Variants in ZFPM1 observed in about 807,000 individuals in gnomAD.
The protein encoded by ZFPM1 is zinc finger protein, FOG family member 1, also known as zinc finger protein ZFPM1.
ZFPM1 carries 28 observed loss-of-function variants against 46.3 expected under a neutral mutation model. The observed-to-expected ratio is 0.60, with a 90% CI of 0.45 to 0.83. The LOEUF (loss-of-function observed/expected upper bound fraction) is 0.83. Ranked by LOEUF, ZFPM1 falls within the 40% of genes least tolerant of loss-of-function variation. The pLI, the probability that ZFPM1 is intolerant of heterozygous loss-of-function variation, is 0.00. For missense variants in ZFPM1, 1,878 were observed against 1,432.4 expected (o/e 1.31, Z -5.02); for synonymous variants, 957 against 675.9 (o/e 1.42, Z -6.45).
intron 4 of ZFPM1, among the ~76,000 whole-genome samples, chr16:88,519,829 C>A (rs1300464970): frequency 2.7e-5 from 4 of 146,684 alleles, no homozygotes; most frequent in African/African-American, 1.0e-4. Flanking sequence ...AATGGATGGA[C>A]AGATAGATGG....
chr16:88,489,373 A>G (rs972921291), intron 3 of ZFPM1: 2 of 647,896 alleles, frequency 3.1e-6, no homozygotes, highest in South Asian at 4.9e-5. Context: ...CGTGGTGTAC[A>G]AGGAAGCGCT....
chr16:88,529,929 C>T (rs562042123), intron 6 of ZFPM1, among the ~76,000 whole-genome samples: 19 of 152,192 alleles, frequency 1.2e-4, no homozygotes, highest in Admixed American at 9.2e-4. Context: ...ACGGGCCGAG[C>T]GGCCAGGTCC....
Position 88,469,395 on chromosome 16 carries a change from C to T in ZFPM1, c.40+15717C>T, listed in dbSNP as rs919652771. Among the ~76,000 whole-genome samples the T allele has an allele frequency of 5.3e-5, 8 of 152,344 alleles. No individual in the cohort carries two copies. The highest frequency in any genetic ancestry group is 1.0e-4 in the Non-Finnish European group (7 of 68,030). On this transcript the variant is annotated intron_variant, in intron 1 of 9. Coordinates refer to ENST00000319555, the MANE Select transcript of ZFPM1 (RefSeq NM_153813.3). This position sits in a 1 kb window ranked among gnomAD's most constrained non-coding sequence, Gnocchi z 4.3. ...CTGGGCTCTTCAGCAAGCCCCTTGCCGGCCTGGGCCTCAGTTTCCCCTTCC... is the reference window on the plus strand; with the variant it reads ...CTGGGCTCTTCAGCAAGCCCCTTGCTGGCCTGGGCCTCAGTTTCCCCTTCC...
intron 1 of ZFPM1, among the ~76,000 whole-genome samples, chr16:88,474,604 G>T (rs189367937): frequency 6.6e-6 from 1 of 151,946 alleles, no homozygotes; most frequent in Non-Finnish European, 1.5e-5. Flanking sequence ...TGTCTTCAGC[G>T]CTCTCTGCCC....
chr16:88,493,705 G>A (rs1909763681), intron 3 of ZFPM1, among the ~76,000 whole-genome samples: 1 of 151,968 alleles, frequency 6.6e-6, no homozygotes, highest in Non-Finnish European at 1.5e-5. Flanking sequence ...GCATGCACAT[G>A]GCCATTGTCT....
intron 4 of ZFPM1, among the ~76,000 whole-genome samples, chr16:88,525,539 G>A (rs553400545): frequency 5.3e-5 from 8 of 152,374 alleles, no homozygotes; most frequent in African/African-American, 1.7e-4. Flanking sequence ...GGAAGTGCTG[G>A]AGCACGCGTG....
intron 3 of ZFPM1, among the ~76,000 whole-genome samples, chr16:88,492,771 GTCCCAGACTCCC>G (rs1909651745): frequency 6.6e-6 from 1 of 152,140 alleles, no homozygotes; most frequent in Non-Finnish European, 1.5e-5. Context: ...GTCCCTGGTG[GTCCCAGACTCCC>G]TGGAGGCACT....
intron 3 of ZFPM1, among the ~76,000 whole-genome samples, chr16:88,502,116 C>CT (rs1910395006): frequency 7.2e-6 from 1 of 138,848 alleles, no homozygotes; most frequent in African/African-American, 2.7e-5. Context: ...ATTTATCTCT[C>CT]CTCCTTCTCT....
At chr16:88,472,192 G>A (rs1278081437) in intron 1 of ZFPM1, among the ~76,000 whole-genome samples, 1 of 152,052 alleles carries the variant, frequency 6.6e-6, no homozygotes, top group South Asian at 2.1e-4. Context: ...AGTGGCTGGA[G>A]GCACGGTGGT....
At chr16:88,523,855 C>A (rs1415524741) in intron 4 of ZFPM1, among the ~76,000 whole-genome samples, 2 of 152,238 alleles carry the variant, frequency 1.3e-5, no homozygotes, top group African/African-American at 4.8e-5. Flanking sequence ...CCCCTCCCCA[C>A]CCGCACAGCC....
chr16:88,525,275 G>T (rs1053165556), intron 4 of ZFPM1, among the ~76,000 whole-genome samples: 1 of 152,228 alleles, frequency 6.6e-6, no homozygotes, highest in African/African-American at 2.4e-5. Flanking sequence ...CAAAGTCCAG[G>T]AAAGCTCATG....
intron 3 of ZFPM1, among the ~76,000 whole-genome samples, chr16:88,498,415 A>G (rs997927970): frequency 6.6e-6 from 1 of 152,322 alleles, no homozygotes. Context: ...CCCTGGAACC[A>G]GAAAGAACAT....
At chr16:88,463,177 C>T (rs929379339) in intron 1 of ZFPM1, among the ~76,000 whole-genome samples, 29 of 152,360 alleles carry the variant, frequency 1.9e-4, no homozygotes, top group African/African-American at 6.3e-4. Flanking sequence ...GGTCGTGGCT[C>T]CTTCCCGAAG....
At chr16:88,460,115 C>T (rs916355974) in intron 1 of ZFPM1, among the ~76,000 whole-genome samples, 8 of 152,050 alleles carry the variant, frequency 5.3e-5, no homozygotes, top group African/African-American at 1.4e-4. Flanking sequence ...TTCCCTTTGG[C>T]GAAGGCAGCG....
chr16:88,488,179 GGGC>G (rs905086854), intron 2 of ZFPM1, among the ~76,000 whole-genome samples: 4 of 152,216 alleles, frequency 2.6e-5, no homozygotes, highest in Admixed American at 6.5e-5. Flanking sequence ...GCAAGCTGCA[GGGC>G]GCCCTGATGG....
At position 88,533,448 on chromosome 16, in the gene ZFPM1, C is replaced by G; in HGVS notation, c.1490C>G (p.Pro497Arg). The G allele has an allele frequency of 6.9e-7, 1 of 1,442,594 alleles. No homozygotes were observed. The highest frequency in any genetic ancestry group is 9.0e-7 in the Non-Finnish European group (1 of 1,106,936). The allele number at this position is 1,442,594 out of a possible 1,614,324, so 89.4% of individuals were successfully genotyped here. A position where few individuals can be genotyped will look rare whatever the true frequency, so the allele number is the denominator to read the frequency against. The change falls in exon 10 of 10, where the codon CCG (proline) becomes CGG (arginine). Residue 497 changes from proline (P) to arginine (R), a missense_variant. By Grantham distance (103) the Pro-to-Arg change is moderately radical. Coordinates refer to ENST00000319555, the MANE Select transcript of ZFPM1 (RefSeq NM_153813.3). ...ACGCCGTCGCCGCGCAGCCCCGCCC[C>G]GGCCAGGGTCAAGGCCGAGCTGTCC... ...SRTPSPRSPA[P>R]ARVKAELSSP...
intron 3 of ZFPM1, among the ~76,000 whole-genome samples, chr16:88,498,717 G>C (rs1478643390): frequency 6.6e-6 from 1 of 152,248 alleles, no homozygotes; most frequent in Non-Finnish European, 1.5e-5. Context: ...AATCTGGAGT[G>C]ATCGCAGGGG....
chr16:88,490,066 T>G (rs961286118), intron 3 of ZFPM1, among the ~76,000 whole-genome samples: 41 of 151,534 alleles, frequency 2.7e-4, no homozygotes, highest in African/African-American at 8.0e-4. Flanking sequence ...ATTTTTTTTT[T>G]TTTTTGAGAT....
chr16:88,493,159 GAGGAGAGC>G (rs1909696318), intron 3 of ZFPM1, among the ~76,000 whole-genome samples: 1 of 103,966 alleles, frequency 9.6e-6, no homozygotes, highest in Admixed American at 1.1e-4. Flanking sequence ...GTCCCGGGGT[GAGGAGAGC>G]TGTCCCGGAG....
Sources: allele counts gnomAD v4.1 joint callset (sites outside exome capture counted in the v4.1 genomes callset), GRCh38; gene constraint gnomAD v4.1.1; non-coding constraint Gnocchi (gnomAD v3.1); transcripts MANE v1.5; gene names NCBI Gene and HGNC (gene_info 2026-07-23, HGNC 2026-07-21).